The following GBE1 variants were observed in gnomAD, a reference collection of about 807,000 sequenced individuals.
GBE1 encodes the protein 1,4-alpha-glucan-branching enzyme.
Under a neutral mutation model 88.8 loss-of-function variants are expected in GBE1, and 70 were observed. The observed-to-expected ratio is 0.79, with a 90% CI of 0.65 to 0.96. The LOEUF is 0.96. GBE1 is among the 40% of genes least tolerant of loss of function. GBE1 has a pLI of 0.00. For synonymous variants in GBE1, 284 were observed against 300.1 expected (o/e 0.95, Z 0.56); for missense variants, 872 against 871.0 (o/e 1.00, Z -0.01).
intron 12 of GBE1, among the ~76,000 whole-genome samples, chr3:81,561,339 A>C (rs562462225): frequency 6.6e-6 from 1 of 152,240 alleles, no homozygotes; most frequent in East Asian, 1.9e-4. Flanking sequence ...CTAAAATATG[A>C]ATATGCAGTA....
At chr3:81,721,253 AAAAAG>A (rs1229547037) in intron 1 of GBE1, among the ~76,000 whole-genome samples, 4 of 100,922 alleles carry the variant, frequency 4.0e-5, no homozygotes, top group Admixed American at 1.9e-4. Context: ...GAAAAAAAAA[AAAAAG>A]AAAGAAAACC....
At chr3:81,707,211 G>T (rs952421552) in intron 1 of GBE1, among the ~76,000 whole-genome samples, 1 of 151,842 alleles carries the variant, frequency 6.6e-6, no homozygotes, top group Non-Finnish European at 1.5e-5. Flanking sequence ...TAAAAGAAAT[G>T]AGTCTATAGA....
intron 5 of GBE1, among the ~76,000 whole-genome samples, chr3:81,647,773 GT>G (rs1251332307): frequency 6.6e-6 from 1 of 151,990 alleles, no homozygotes; most frequent in Non-Finnish European, 1.5e-5. Flanking sequence ...AAAGATATTA[GT>G]TTCATTCTTC....
chr3:81,702,151 GTGTGTGTGT>G (rs1705704066), intron 2 of GBE1, among the ~76,000 whole-genome samples: 1 of 121,980 alleles, frequency 8.2e-6, no homozygotes, highest in Admixed American at 8.2e-5. Context: ...GTGTGTGTGT[GTGTGTGTGT>G]TAAGGCATGG....
chr3:81,632,522 A>C (rs1704529530), intron 7 of GBE1, among the ~76,000 whole-genome samples: 1 of 152,194 alleles, frequency 6.6e-6, no homozygotes, highest in South Asian at 2.1e-4. Flanking sequence ...ATCTCATGCC[A>C]GTCAGAAAGG....
intron 1 of GBE1, among the ~76,000 whole-genome samples, chr3:81,729,605 A>G (rs1168570444): frequency 2.6e-5 from 4 of 152,196 alleles, no homozygotes; most frequent in Non-Finnish European, 5.9e-5. Context: ...AGGAAGAAGT[A>G]CAGAGTAGGA....
intron 15 of GBE1, among the ~76,000 whole-genome samples, chr3:81,498,019 G>C (rs182196491): frequency 1.4e-3 from 217 of 152,156 alleles, no homozygotes; most frequent in African/African-American, 5.2e-3. Flanking sequence ...AGCTGTATCA[G>C]TGTCATCATC....
At chr3:81,748,543 G>A (rs1411317117) in intron 1 of GBE1, among the ~76,000 whole-genome samples, 4 of 149,832 alleles carry the variant, frequency 2.7e-5, no homozygotes, top group African/African-American at 2.5e-5. Context: ...CCCGGGAGGC[G>A]GAGCTTGCAG....
chr3:81,627,085 A>G (rs1208538671), intron 7 of GBE1, among the ~76,000 whole-genome samples: 1 of 152,188 alleles, frequency 6.6e-6, no homozygotes, highest in East Asian at 1.9e-4. Context: ...GAAGTGAAAC[A>G]CCATTTTCTA....
At chr3:81,543,594 A>G (rs749424906) in intron 12 of GBE1, among the ~76,000 whole-genome samples, 14 of 152,156 alleles carry the variant, frequency 9.2e-5, no homozygotes, top group Non-Finnish European at 1.5e-4. Context: ...GAAAAATATT[A>G]TCATTAAAAC....
intron 1 of GBE1, among the ~76,000 whole-genome samples, chr3:81,756,671 G>C (rs1706606640): frequency 6.6e-6 from 1 of 152,114 alleles, no homozygotes; most frequent in African/African-American, 2.4e-5. Context: ...TTTGAGACAG[G>C]GCGAAGTCAG....
rs1491583586 is a variant in GBE1 at position 81,750,658 on chromosome 3, T to TATATATACAC, written c.143+10716_143+10717insGTGTATATAT. On this transcript the variant is annotated intron_variant, in intron 1 of 15. Transcript: ENST00000429644. ...ATATATATATATGTATATATATATATGTATATATATATATACGTATATATA... is the reference window on the plus strand; with the variant it reads ...ATATATATATATGTATATATATATATATATATACACGTATATATATATATACGTATATATA... 1.0e-3 allele frequency among the ~76,000 whole-genome samples: 59 copies of TATATATACAC among 56,960 alleles called. 7 individuals carry two copies. The highest frequency in any genetic ancestry group is 5.4e-3 in the African/African-American group (42 of 7,730). 37.4% of individuals were successfully genotyped at this position (56,960 alleles called of 152,430 possible). A position where few individuals can be genotyped will look rare whatever the true frequency, so the allele number is the denominator to read the frequency against.
chr3:81,669,041 A>AAT, intron 3 of GBE1, among the ~76,000 whole-genome samples: 1 of 152,230 alleles, frequency 6.6e-6, no homozygotes, highest in East Asian at 1.9e-4. Context: ...AACTAGTGAA[A>AAT]ATATGAATAA....
At chr3:81,610,651 T>C (rs940400119) in intron 7 of GBE1, among the ~76,000 whole-genome samples, 5 of 152,108 alleles carry the variant, frequency 3.3e-5, no homozygotes, top group Admixed American at 6.6e-5. Flanking sequence ...AAAAATACCA[T>C]AGCTCTCTGA....
chr3:81,597,764 T>C (rs1191182720), intron 7 of GBE1, among the ~76,000 whole-genome samples: 1 of 151,780 alleles, frequency 6.6e-6, no homozygotes, highest in Non-Finnish European at 1.5e-5. Flanking sequence ...AGGTGCCTAA[T>C]ATAGAAACTG....
intron 1 of GBE1, among the ~76,000 whole-genome samples, chr3:81,755,630 T>C (rs1258475756): frequency 6.6e-6 from 1 of 152,120 alleles, no homozygotes; most frequent in Non-Finnish European, 1.5e-5. Context: ...CAATGGAATA[T>C]TATTCAACCA....
chr3:81,739,551 T>A (rs921920214), intron 1 of GBE1, among the ~76,000 whole-genome samples: 11 of 152,278 alleles, frequency 7.2e-5, no homozygotes, highest in African/African-American at 2.6e-4. Flanking sequence ...CTGGCAAATA[T>A]TGAGTGAGTT....
chr3:81,518,724 T>C (rs927337631), intron 14 of GBE1, among the ~76,000 whole-genome samples: 8 of 151,604 alleles, frequency 5.3e-5, no homozygotes, highest in East Asian at 1.9e-4. Flanking sequence ...GCAATGAGCA[T>C]GCATCCATTA....
intron 7 of GBE1, among the ~76,000 whole-genome samples, chr3:81,642,024 ATT>A (rs1239156659): frequency 6.6e-6 from 1 of 151,180 alleles, no homozygotes; most frequent in African/African-American, 2.4e-5. Context: ...TGACATTTTC[ATT>A]TTTTCACTTA....
Sources: gnomAD v4.1 joint callset for allele counts (sites outside exome capture counted in the v4.1 genomes callset) on GRCh38, gnomAD v4.1.1 for gene constraint, MANE v1.5 for transcripts, NCBI Gene and HGNC (gene_info 2026-07-23, HGNC 2026-07-21) for gene names.